The following HERC2 variants were observed in gnomAD, a reference collection of about 807,000 sequenced individuals.
HERC2 encodes the protein HECT and RLD domain containing E3 ubiquitin protein ligase 2.
A neutral mutation model predicts 537.7 loss-of-function variants in HERC2; 102 were observed. The ratio of observed to expected loss-of-function variants is 0.19; its 90% CI spans 0.16 to 0.22. The LOEUF is 0.22. Ranked by LOEUF, HERC2 falls within the 10% of genes least tolerant of loss-of-function variation. The pLI is 1.00. For synonymous variants in HERC2, 2,224 were observed against 2,466.2 expected, an observed-to-expected ratio of 0.90 and a Z score of 2.91; for missense variants, 4,236 against 6,198.2, an observed-to-expected ratio of 0.68 and a Z score of 10.63.
chr15:28,210,158 G>C (rs1406785364), intron 44 of HERC2, among the ~76,000 whole-genome samples: 1 of 150,848 alleles, frequency 6.6e-6, no homozygotes, highest in East Asian at 2.0e-4. Context: ...TTTTGAGACA[G>C]AGTCTTGCTC....
intron 70 of HERC2, 89 bp downstream of exon 70, chr15:28,152,588 G>A (rs1892566699): frequency 8.7e-7 from 1 of 1,155,236 alleles, no homozygotes; most frequent in Non-Finnish European, 1.2e-6. Flanking sequence ...ATAAAATGGA[G>A]ATGGTTGTTT....
intron 15 of HERC2, among the ~76,000 whole-genome samples, chr15:28,261,478 T>C (rs1041192161): frequency 6.6e-6 from 1 of 152,188 alleles, no homozygotes; most frequent in Admixed American, 6.5e-5. Context: ...ACAAAGGGTG[T>C]TTCGCAGAAA....
intron 68 of HERC2, among the ~76,000 whole-genome samples, chr15:28,163,956 G>T (rs1258621073): frequency 6.6e-6 from 1 of 152,184 alleles, no homozygotes; most frequent in African/African-American, 2.4e-5. Flanking sequence ...CTATGGAGGT[G>T]CCTTGCCCAG....
intron 2 of HERC2, among the ~76,000 whole-genome samples, chr15:28,306,940 T>C (rs2076805874): frequency 6.6e-6 from 1 of 152,182 alleles, no homozygotes; most frequent in Admixed American, 6.5e-5. Flanking sequence ...GCTCAAGTGA[T>C]TCTCGTGCCT....
At chr15:28,277,697 T>A (rs1368278026) in intron 5 of HERC2, among the ~76,000 whole-genome samples, 1 of 152,180 alleles carries the variant, frequency 6.6e-6, no homozygotes, top group East Asian at 1.9e-4. Flanking sequence ...CACTGATTCA[T>A]GACCATCACA....
In HERC2 at chr15:28,274,365, G is replaced by C. The variant is rs16950975; in HGVS notation, c.726C>G (p.Asp242Glu). 9 of 1,614,036 alleles carry C rather than the reference G, an allele frequency of 5.6e-6. No individual in the cohort carries two copies. The Middle Eastern group carries it at 9.9e-4, about 177-fold the overall frequency. Residue 242 changes from aspartate (D) to glutamate (E), a missense_variant, in exon 7 of 93, where the codon GAC becomes GAG. Asp to Glu is a conservative substitution (Grantham distance 45). Transcript: ENST00000261609. ...LRALPEASLF[D>E]ESTVSSVWLE... is the part of the protein sequence containing the mutation. ...GCCACACAGAGGACACGGTGCTCTC[G>C]TCAAAGAGCGAGGCCTCGGGAAGTG...
chr15:28,174,963 A>G (rs1246840677), intron 64 of HERC2, among the ~76,000 whole-genome samples: 1 of 152,156 alleles, frequency 6.6e-6, no homozygotes, highest in Middle Eastern at 3.2e-3. Context: ...GACCAAAAAC[A>G]GTATGCTCAT....
chr15:28,262,237 G>C (rs2075434193), intron 15 of HERC2, among the ~76,000 whole-genome samples: 1 of 152,166 alleles, frequency 6.6e-6, no homozygotes, highest in African/African-American at 2.4e-5. Context: ...ACCTTAGAAA[G>C]ATCCCTCCAA....
At chr15:28,214,956 T>C (rs535399793) in intron 39 of HERC2, among the ~76,000 whole-genome samples, 154 bp from the exon 40 acceptor site, 1 of 152,240 alleles carries the variant, frequency 6.6e-6, no homozygotes, top group South Asian at 2.1e-4. Context: ...CACTACAAAC[T>C]CCCACCTCCC....
intron 69 of HERC2, among the ~76,000 whole-genome samples, chr15:28,156,110 C>A (rs1218805778): frequency 1.3e-5 from 2 of 152,092 alleles, no homozygotes; most frequent in African/African-American, 4.8e-5. Context: ...CTGTTCTGTT[C>A]CATTGGTCTA....
intron 55 of HERC2, 50 bp from the exon 56 acceptor site, chr15:28,186,802 G>T (rs1264907486): frequency 1.4e-6 from 2 of 1,381,230 alleles, no homozygotes; most frequent in South Asian, 1.2e-5. Flanking sequence ...AAGCATATTA[G>T]ATCCTCTAAC....
chr15:28,274,248 G>C (rs1024082919), intron 7 of HERC2, 43 bp downstream of exon 7: 2 of 1,605,550 alleles, frequency 1.2e-6, no homozygotes. Flanking sequence ...CCTCAAGCAG[G>C]CCAGCTGTCT....
chr15:28,291,202 C>T (rs574925804), intron 4 of HERC2, among the ~76,000 whole-genome samples: 71 of 152,262 alleles, frequency 4.7e-4, no homozygotes, highest in Admixed American at 1.4e-3. Context: ...TAATAACCTA[C>T]GAGGTAGGTA....
Position 28,141,587 on chromosome 15 carries a change from T to A in HERC2, c.11860A>T (p.Ile3954Phe), listed in dbSNP as rs1310601654. 4 of 1,614,010 alleles carry A rather than the reference T, an allele frequency of 2.5e-6. No homozygotes were observed. The highest frequency in any genetic ancestry group is 1.3e-5 in the African/African-American group (1 of 74,910). ...CTGTGATTATGTCCCCATCCATAAATTGTTCCACTGCCACCAGCAGAGAGA... is the reference window on the plus strand; with the variant it reads ...CTGTGATTATGTCCCCATCCATAAAATGTTCCACTGCCACCAGCAGAGAGA... Reference protein sequence around the residue: ...WTLSAGGSGTIYGWGHNHRGQ... With the variant: ...WTLSAGGSGTFYGWGHNHRGQ... The change falls in exon 78 of 93, where the codon ATT (isoleucine) becomes TTT (phenylalanine). Residue 3954 changes from isoleucine (I) to phenylalanine (F), a missense_variant. Coordinates refer to ENST00000261609, the MANE Select transcript of HERC2 (RefSeq NM_004667.6).
intron 38 of HERC2, among the ~76,000 whole-genome samples, chr15:28,216,084 TCCTGCCTTGC>T (rs560480692): frequency 2.0e-5 from 3 of 152,122 alleles, no homozygotes; most frequent in Non-Finnish European, 4.4e-5. Context: ...CAAGTGATTC[TCCTGCCTTGC>T]CCTGCCAAAT....
chr15:28,202,125 G>A lies in HERC2; in HGVS notation c.7605C>T (p.Ala2535=), dbSNP rs543567383. ...DEEVVEDVDD[A]AYSMSTGAVV... ...GGGAGGCACTGACCATGGAGTAGGC[G>A]GCATCATCCACGTCCTCCACCACCT... Residue 2535 remains alanine (A), a synonymous_variant, in exon 47 of 93, where the codon GCC becomes GCT. Coordinates refer to ENST00000261609, the MANE Select transcript of HERC2 (RefSeq NM_004667.6). 19 of 1,545,966 alleles carry A rather than the reference G, an allele frequency of 1.2e-5. 1 individual carries two copies. In the East Asian group the frequency reaches 2.5e-4, roughly 20 times the overall value.
intron 69 of HERC2, among the ~76,000 whole-genome samples, chr15:28,158,628 G>A (rs1000506028): frequency 6.6e-6 from 1 of 152,066 alleles, no homozygotes; most frequent in African/African-American, 2.4e-5. Context: ...GCCTATGTGT[G>A]TCTCTGCACA....
At position 28,144,219 on chromosome 15, in the gene HERC2, G is replaced by C; in HGVS notation, c.11157C>G (p.Leu3719=). The part of the protein sequence containing the change: ...IMPAAGPKEL[L]SDRCVLSCPS... ...GACAGGAGAGGACGCAGCGGTCAGAGAGGAGTTCTTTAGGGCCTGTGAATG... is the reference window on the plus strand; with the variant it reads ...GACAGGAGAGGACGCAGCGGTCAGACAGGAGTTCTTTAGGGCCTGTGAATG... Residue 3719 remains leucine, a synonymous_variant, in exon 73 of 93, where the codon CTC becomes CTG. Coordinates refer to ENST00000261609, the MANE Select transcript of HERC2 (RefSeq NM_004667.6). The C allele has an allele frequency of 6.2e-7, 1 of 1,614,068 alleles. No individual in the cohort carries two copies. The highest frequency in any genetic ancestry group is 8.5e-7 in the Non-Finnish European group (1 of 1,180,040).
chr15:28,314,996 T>C (rs1329113993), intron 2 of HERC2, among the ~76,000 whole-genome samples: 63 of 152,224 alleles, frequency 4.1e-4, no homozygotes, highest in African/African-American at 1.4e-3. Flanking sequence ...AAAGAGCACG[T>C]ACGGCCCACA....
Sources: allele counts gnomAD v4.1 joint callset (sites outside exome capture counted in the v4.1 genomes callset), GRCh38; gene constraint gnomAD v4.1.1; transcripts MANE v1.5; gene names NCBI Gene and HGNC (gene_info 2026-07-23, HGNC 2026-07-21).